ARL15: variants seen among roughly 807,000 people sequenced by gnomAD.
ARL15 encodes ARF like GTPase 15.
A neutral mutation model predicts 25.2 loss-of-function variants in ARL15; 19 were observed. The observed-to-expected ratio is 0.75, with a 90% CI of 0.53 to 1.10. ARL15 has a LOEUF of 1.10. Ranked by LOEUF, ARL15 falls within the 50% of genes least tolerant of loss-of-function variation. ARL15 has a pLI of 0.00. For synonymous variants in ARL15, 94 were observed against 86.8 expected (o/e 1.08, Z -0.46); for missense variants, 220 against 246.0 (o/e 0.89, Z 0.71).
intron 4 of ARL15, among the ~76,000 whole-genome samples, chr5:54,059,062 A>G (rs1750978073): frequency 6.6e-6 from 1 of 152,240 alleles, no homozygotes; most frequent in Admixed American, 6.5e-5. Context: ...ACCTTCTCCA[A>G]GAAAGGCTTT....
At chr5:54,157,737 T>C (rs1561246589) in intron 2 of ARL15, among the ~76,000 whole-genome samples, 1 of 152,158 alleles carries the variant, frequency 6.6e-6, no homozygotes, top group Non-Finnish European at 1.5e-5. Flanking sequence ...TATAGGCATA[T>C]AAATGTCCCG....
chr5:54,104,553 AG>A (rs1734948091), intron 4 of ARL15, among the ~76,000 whole-genome samples: 1 of 152,174 alleles, frequency 6.6e-6, no homozygotes. Flanking sequence ...TTATATAATT[AG>A]TTATAGTTAT....
intron 4 of ARL15, among the ~76,000 whole-genome samples, chr5:54,018,971 C>A (rs1255793152): frequency 6.6e-6 from 1 of 152,076 alleles, no homozygotes; most frequent in East Asian, 1.9e-4. Context: ...AATTAAGGAA[C>A]AAGATCAGAT....
At chr5:53,937,127 C>A (rs941612604) in intron 4 of ARL15, among the ~76,000 whole-genome samples, 5 of 152,162 alleles carry the variant, frequency 3.3e-5, no homozygotes, top group African/African-American at 1.2e-4. Context: ...AAGAGTTCTC[C>A]GTCCCCGGAG....
At chr5:54,267,771 T>C (rs1392784238) in intron 1 of ARL15, among the ~76,000 whole-genome samples, 2 of 152,190 alleles carry the variant, frequency 1.3e-5, no homozygotes, top group East Asian at 3.8e-4. Context: ...AAAATTCTTT[T>C]CTTTAAGAAT....
At chr5:53,891,340 G>A (rs1332790080) in intron 4 of ARL15, among the ~76,000 whole-genome samples, 4 of 152,184 alleles carry the variant, frequency 2.6e-5, no homozygotes, top group Admixed American at 6.5e-5. Context: ...CCACAAGAAC[G>A]TGTTGTGAGA....
intron 4 of ARL15, among the ~76,000 whole-genome samples, chr5:54,031,854 C>A (rs1042345802): frequency 6.6e-6 from 1 of 152,058 alleles, no homozygotes; most frequent in Non-Finnish European, 1.5e-5. Context: ...TTTGTGATAT[C>A]AATGACAAAG....
intron 1 of ARL15, among the ~76,000 whole-genome samples, chr5:54,194,380 C>A (rs1010610481): frequency 5.3e-5 from 8 of 152,128 alleles, no homozygotes; most frequent in Non-Finnish European, 8.8e-5. Context: ...TTTTATGAGA[C>A]CCACAACATA....
Position 53,892,582 on chromosome 5 carries a change from T to TA in ARL15, c.463-5870_463-5869insT, listed in dbSNP as rs1274019158. Among the ~76,000 whole-genome samples, 3 of 151,568 alleles carry TA rather than the reference T, an allele frequency of 2.0e-5. No homozygotes were observed. The Admixed American group carries it at 2.0e-4, about 10-fold the overall frequency. On this transcript the variant is annotated intron_variant, in intron 4 of 4. Coordinates refer to ENST00000504924, the MANE Select transcript of ARL15 (RefSeq NM_019087.3). The stretch of plus-strand genomic sequence containing the variant: ...GATGGATTCATATTGGTTCTGTTAT[T>TA]TATTTATTATTACTGTTACTTTTTT...
At chr5:54,019,905 A>G (rs952037464) in intron 4 of ARL15, among the ~76,000 whole-genome samples, 1 of 152,242 alleles carries the variant, frequency 6.6e-6, no homozygotes, top group South Asian at 2.1e-4. Flanking sequence ...AAACTCTTTC[A>G]TCTACAGCAC....
chr5:53,991,468 G>GGAGGCGGAGGTTGCAGTGAGCT (rs559396186), intron 4 of ARL15, among the ~76,000 whole-genome samples: 28,106 of 148,266 alleles, frequency 0.19, 2,887 homozygotes, highest in East Asian at 0.35. Flanking sequence ...CTTGAACCTG[G>GGAGGCGGAGGTTGCAGTGAGCT]GAGGCGGAGG....
rs560459605 is a variant in ARL15 at position 54,117,765 on chromosome 5, GTT to G, written c.254-4357_254-4356del. Among the ~76,000 whole-genome samples, 497 of 152,260 alleles carry G rather than the reference GTT, an allele frequency of 3.3e-3. 2 individuals carry two copies. The highest frequency in any genetic ancestry group is 0.011 in the African/African-American group (457 of 41,554). On this transcript the variant is annotated intron_variant, in intron 3 of 4. Coordinates refer to ENST00000504924, the MANE Select transcript of ARL15 (RefSeq NM_019087.3). ...AAACTATGATTATTCAGATTTGACT[GTT>G]TGATAGACATTTTCTCAAAAATAGA...
chr5:54,185,122 C>A (rs1187756047), intron 1 of ARL15, among the ~76,000 whole-genome samples: 1 of 152,120 alleles, frequency 6.6e-6, no homozygotes, highest in African/African-American at 2.4e-5. Context: ...GTTTGACACA[C>A]AAAACTTAAT....
intron 4 of ARL15, among the ~76,000 whole-genome samples, chr5:54,085,563 A>G (rs1187338081): frequency 6.6e-6 from 1 of 152,210 alleles, no homozygotes; most frequent in East Asian, 1.9e-4. Context: ...GGGAGGAAAC[A>G]TGGGTATTTC....
Position 53,886,469 on chromosome 5 carries a change from C to G in ARL15, c.*92G>C. The G allele has an allele frequency of 7.3e-7, 1 of 1,364,340 alleles. No individual in the cohort carries two copies. The highest frequency in any genetic ancestry group is 9.8e-7 in the Non-Finnish European group (1 of 1,019,206). The allele number at this position is 1,364,340 out of a possible 1,614,324, so 84.5% of individuals were successfully genotyped here. ...GACCAGAGGAAAATAGATACTGAAG[C>G]CAATATAGTCTTGATACCAAAATAA... is the stretch of plus-strand genomic sequence containing the variant. On this transcript the variant is annotated 3_prime_UTR_variant, in exon 5 of 5. Coordinates refer to ENST00000504924, the MANE Select transcript of ARL15 (RefSeq NM_019087.3).
At chr5:54,116,542 C>T (rs116447462) in intron 3 of ARL15, among the ~76,000 whole-genome samples, 471 of 152,318 alleles carry the variant, frequency 3.1e-3, no homozygotes, top group African/African-American at 0.011. Flanking sequence ...CATTGTAAGA[C>T]TCAATGCAGC....
In ARL15 at chr5:54,310,553, G is replaced by T; in HGVS notation, c.-74C>A. 2 of 1,511,718 alleles carry T rather than the reference G, an allele frequency of 1.3e-6. No homozygotes were observed. The highest frequency in any genetic ancestry group is 1.8e-6 in the Non-Finnish European group (2 of 1,117,664). The allele number at this position is 1,511,718 out of a possible 1,614,324, so 93.6% of individuals were successfully genotyped here. A position where few individuals can be genotyped will look rare whatever the true frequency, so the allele number is the denominator to read the frequency against. ...CAGCGTCTCTGGCTGCGAGCGAGCA[G>T]CTCCTGAAAAAGCCAGCAACAGCGA... On this transcript the variant is annotated 5_prime_UTR_variant, in exon 1 of 5. In the 5' UTR this introduces an upstream ATG that the reference lacks. Transcript: ENST00000504924.
intron 3 of ARL15, among the ~76,000 whole-genome samples, chr5:54,135,236 A>G (rs1320206995): frequency 6.6e-6 from 1 of 152,206 alleles, no homozygotes. Context: ...CTTATCCAAC[A>G]TGGGCCAGTA....
chr5:54,193,851 C>G (rs539707328), intron 1 of ARL15, among the ~76,000 whole-genome samples: 33 of 151,632 alleles, frequency 2.2e-4, no homozygotes, highest in African/African-American at 8.0e-4. Flanking sequence ...ATAAATTGCT[C>G]AGATCTAGGT....
Sources: allele counts gnomAD v4.1 joint callset (sites outside exome capture counted in the v4.1 genomes callset), GRCh38; gene constraint gnomAD v4.1.1; transcripts MANE v1.5; gene names NCBI Gene and HGNC (gene_info 2026-07-23, HGNC 2026-07-21).